PGM2: variants seen among roughly 807,000 people sequenced by gnomAD.
PGM2 encodes phosphopentomutase.
In PGM2, 57 loss-of-function variants were observed where a neutral mutation model predicts 74.6. That is an observed-to-expected ratio of 0.76 (90% CI 0.62 to 0.95). The LOEUF (loss-of-function observed/expected upper bound fraction) is 0.95. Ranked by LOEUF, PGM2 falls within the 40% of genes least tolerant of loss-of-function variation. PGM2 has a pLI of 0.00. For synonymous variants in PGM2, 273 were observed against 260.7 expected (o/e 1.05, Z -0.46); for missense variants, 706 against 741.9 (o/e 0.95, Z 0.56).
intron 6 of PGM2, among the ~76,000 whole-genome samples, chr4:37,843,892 A>G (rs1725795962): frequency 6.6e-6 from 1 of 152,166 alleles, no homozygotes; most frequent in Non-Finnish European, 1.5e-5. Context: ...TATTTTTTAT[A>G]TCTTTATGTA....
intron 11 of PGM2, 70 bp from the exon 12 acceptor site, chr4:37,850,114 G>C (rs545570233): frequency 1.0e-5 from 9 of 862,244 alleles, no homozygotes; most frequent in Non-Finnish European, 1.5e-5. Flanking sequence ...ACACTGGTTG[G>C]TACATGTTCT....
At chr4:37,839,822 T>G (rs1725658305) in intron 4 of PGM2, 26 bp from the exon 5 acceptor site, 1 of 1,365,348 alleles carries the variant, frequency 7.3e-7, no homozygotes. Flanking sequence ...AAAAACTGTT[T>G]GTTCTTGTTT....
At chr4:37,835,777 T>A (rs927221168) in intron 3 of PGM2, among the ~76,000 whole-genome samples, 1 of 152,184 alleles carries the variant, frequency 6.6e-6, no homozygotes, top group Non-Finnish European at 1.5e-5. Context: ...AATCACCCGG[T>A]GGCATCAGCC....
chr4:37,848,395 G>C (rs1725935894), intron 10 of PGM2, 127 bp from the exon 11 acceptor site: 2 of 726,440 alleles, frequency 2.8e-6, no homozygotes, highest in East Asian at 5.6e-5. Context: ...CTAAACATAA[G>C]GTATTAATGA....
chr4:37,830,201 A>AT (rs1725405467), intron 2 of PGM2, 70 bp downstream of exon 2: 1 of 1,081,444 alleles, frequency 9.2e-7, no homozygotes, highest in African/African-American at 1.6e-5. Flanking sequence ...GGCAGACCTA[A>AT]TTTATTCTAA....
chr4:37,858,728 C>CA (rs1236111884), intron 13 of PGM2, among the ~76,000 whole-genome samples: 5 of 152,078 alleles, frequency 3.3e-5, no homozygotes, highest in Admixed American at 6.6e-5. Context: ...TCATAAATTT[C>CA]AATTATTCAT....
rs78018690 is a variant in PGM2, at chr4:37,833,432, G to C, written c.250-1186G>C. 0.013 allele frequency among the ~76,000 whole-genome samples: 2,013 copies of C among 152,248 alleles called. 173 individuals carry two copies. In the East Asian group the frequency reaches 0.23, roughly 18 times the overall value. ...AAAAATTAGCCAGACATGGTAGCAT[G>C]TGCCTGTAGTCCCAGCACCTCAGGA... On this transcript the variant is annotated intron_variant, in intron 2 of 13. Coordinates refer to ENST00000381967, the MANE Select transcript of PGM2 (RefSeq NM_018290.4).
At position 37,851,961 on chromosome 4, in the gene PGM2, G is replaced by GTTTTCTTTCTTTTT. The variant is rs1430228977; in HGVS notation, c.1602+1591_1602+1592insTCTTTCTTTTTTTT. Among the ~76,000 whole-genome samples the GTTTTCTTTCTTTTT allele has an allele frequency of 1.1e-3, 149 of 135,406 alleles. 29 individuals are homozygous for GTTTTCTTTCTTTTT. The highest frequency in any genetic ancestry group is 3.7e-3 in the Middle Eastern group (1 of 268). The allele number at this position is 135,406 out of a possible 152,430, so 88.8% of individuals were successfully genotyped here. On this transcript the variant is annotated intron_variant, in intron 12 of 13. Coordinates refer to ENST00000381967, the MANE Select transcript of PGM2 (RefSeq NM_018290.4). ...ATTGTATTTCCTGTACCTTTTGTTT[G>GTTTTCTTTCTTTTT]TTTGTTTTCTTTTTTTTTGGAGACA...
chr4:37,851,754 T>G (rs13146036), intron 12 of PGM2, among the ~76,000 whole-genome samples: 80,753 of 151,870 alleles, frequency 0.53, 22,143 homozygotes, highest in Non-Finnish European at 0.61. Context: ...ATTTTTGAGA[T>G]AAAGATTTAG....
chr4:37,850,756 C>T (rs941677096), intron 12 of PGM2, among the ~76,000 whole-genome samples: 2 of 151,306 alleles, frequency 1.3e-5, no homozygotes, highest in Non-Finnish European at 2.9e-5. Context: ...TTTGGGAGGC[C>T]GAGGCAGGTG....
rs200864876 is a variant in PGM2, at chr4:37,861,597, G to A, written c.1824G>A (p.Gln608=). Residue 608 remains glutamine (Q), a synonymous_variant, in exon 14 of 14, where the codon CAG becomes CAA. Coordinates refer to ENST00000381967, the MANE Select transcript of PGM2 (RefSeq NM_018290.4). ...HFFQPQKYNL[Q]PKAD ...TCCAGCCACAGAAGTACAATCTGCA[G>A]CCAAAAGCAGACTAAAATAGTCCAG... 3.7e-6 allele frequency: 6 copies of A among 1,610,198 alleles called. No individual in the cohort carries two copies. In the Admixed American group the frequency reaches 8.3e-5, roughly 22 times the overall value.
chr4:37,852,839 A>G (rs924764766), intron 12 of PGM2, among the ~76,000 whole-genome samples: 2 of 152,198 alleles, frequency 1.3e-5, no homozygotes, highest in Non-Finnish European at 2.9e-5. Context: ...GATATGCTAT[A>G]GTATGGGTCC....
chr4:37,859,295 A>G (rs1167562572), intron 13 of PGM2, among the ~76,000 whole-genome samples: 1 of 152,194 alleles, frequency 6.6e-6, no homozygotes, highest in Non-Finnish European at 1.5e-5. Flanking sequence ...CAAATAGATA[A>G]TAATGGTACT....
chr4:37,831,162 C>CA (rs1210282615), intron 2 of PGM2, among the ~76,000 whole-genome samples: 1 of 128,908 alleles, frequency 7.8e-6, no homozygotes, highest in Non-Finnish European at 1.6e-5. Flanking sequence ...CACTGGACTC[C>CA]AGCCTGGGCA....
chr4:37,841,100 A>ATGTGTGTGTGTG (rs1553885995), intron 6 of PGM2, among the ~76,000 whole-genome samples: 2,492 of 115,580 alleles, frequency 0.022, 146 homozygotes, highest in African/African-American at 0.086. Context: ...ATATATATAT[A>ATGTGTGTGTGTG]TGTGTGTGTG....
At chr4:37,854,467 C>A (rs530094011) in intron 12 of PGM2, among the ~76,000 whole-genome samples, 61 of 152,244 alleles carry the variant, frequency 4.0e-4, no homozygotes, top group African/African-American at 1.4e-3. Flanking sequence ...TCTCCTGCAT[C>A]AGCTTCCTGA....
At chr4:37,842,788 G>A (rs1725767026) in intron 6 of PGM2, among the ~76,000 whole-genome samples, 1 of 152,026 alleles carries the variant, frequency 6.6e-6, no homozygotes, top group African/African-American at 2.4e-5. Context: ...AGCCCTCTGA[G>A]TAGCTGGTAC....
rs749740298 is a variant in PGM2 at position 37,844,362 on chromosome 4, A to G, written c.720-2A>G. On this transcript the variant is annotated splice_acceptor_variant, in intron 6 of 13. Coordinates refer to ENST00000381967, the MANE Select transcript of PGM2 (RefSeq NM_018290.4). LOFTEE classifies it high-confidence loss of function. The stretch of plus-strand genomic sequence containing the variant: ...CATTTTCCACTGTGTATCTGATTCT[A>G]GGAGCGTGAACAGGGAGACAAAGGT... The G allele has an allele frequency of 2.2e-5, 35 of 1,597,306 alleles. No homozygotes were observed. Among genetic ancestry groups the G allele is most frequent in the Middle Eastern group, 1.7e-4 (1 of 6,018 alleles).
At chr4:37,857,760 G>A (rs1263699831) in intron 13 of PGM2, among the ~76,000 whole-genome samples, 2 of 152,136 alleles carry the variant, frequency 1.3e-5, no homozygotes, top group African/African-American at 4.8e-5. Flanking sequence ...CAACTATTAA[G>A]TGAACATATA....
Sources: allele counts gnomAD v4.1 joint callset (sites outside exome capture counted in the v4.1 genomes callset), GRCh38; gene constraint gnomAD v4.1.1; transcripts MANE v1.5; gene names NCBI Gene and HGNC (gene_info 2026-07-23, HGNC 2026-07-21).